The following ANKRD28 variants were observed in gnomAD, a reference collection of about 807,000 sequenced individuals.
The protein encoded by ANKRD28 is ankyrin repeat domain 28.
A neutral mutation model predicts 126.5 loss-of-function variants in ANKRD28; 44 were observed. The observed-to-expected ratio is 0.35, with a 90% CI of 0.27 to 0.45. The LOEUF (loss-of-function observed/expected upper bound fraction) is 0.45. Ranked by LOEUF, ANKRD28 falls within the 20% of genes least tolerant of loss-of-function variation. ANKRD28 has a pLI of 1.00. For synonymous variants in ANKRD28, 442 were observed against 468.5 expected, an observed-to-expected ratio of 0.94 and a Z score of 0.73; for missense variants, 1,110 against 1,316.6, an observed-to-expected ratio of 0.84 and a Z score of 2.43.
chr3:15,694,325 C>G (rs1318531484), intron 17 of ANKRD28, among the ~76,000 whole-genome samples: 2 of 152,100 alleles, frequency 1.3e-5, no homozygotes, highest in Non-Finnish European at 2.9e-5. Context: ...GTTAGCACCC[C>G]AAGATCACAA....
chr3:15,751,710 G>A (rs2125375022), intron 4 of ANKRD28, 40 bp downstream of exon 4: 1 of 1,341,268 alleles, frequency 7.5e-7, no homozygotes, highest in Non-Finnish European at 1.0e-6. Flanking sequence ...CCTATTTAAT[G>A]TTTTCATATA....
In ANKRD28 at chr3:15,737,237, A is replaced by C. The variant is rs1328609348; in HGVS notation, c.352-4T>G. On this transcript the variant is annotated splice_region_variant and splice_polypyrimidine_tract_variant and intron_variant, in intron 4 of 27. Transcript: ENST00000683139. ...TCAAAAGTACCTGAACTGCTTCCTA[A>C]AACATATGAAAAGTTATAAAAGACA... 1 of 1,610,056 alleles carries C rather than the reference A, an allele frequency of 6.2e-7. No individual in the cohort carries two copies. Among genetic ancestry groups the C allele is most frequent in the Admixed American group, 1.7e-5 (1 of 59,242 alleles).
intron 1 of ANKRD28, among the ~76,000 whole-genome samples, chr3:15,827,004 A>G (rs1234853311): frequency 6.6e-6 from 1 of 152,182 alleles, no homozygotes; most frequent in Non-Finnish European, 1.5e-5. Context: ...ATGGCCAAGT[A>G]TATATTTTTT....
At chr3:15,721,916 T>A (rs763997221) in intron 7 of ANKRD28, among the ~76,000 whole-genome samples, 1 of 152,102 alleles carries the variant, frequency 6.6e-6, no homozygotes, top group Non-Finnish European at 1.5e-5. Context: ...TGGCTAATAT[T>A]TGTATTTTAG....
chr3:15,828,307 A>G (rs2061113697), intron 1 of ANKRD28, among the ~76,000 whole-genome samples: 1 of 152,148 alleles, frequency 6.6e-6, no homozygotes, highest in Non-Finnish European at 1.5e-5. Context: ...GTCTCAGAGA[A>G]ACATGAAGTT....
In ANKRD28 at chr3:15,685,452, G is replaced by C; in HGVS notation, c.2170-7C>G. On this transcript the variant is annotated splice_polypyrimidine_tract_variant and splice_region_variant and intron_variant, in intron 20 of 27. Coordinates refer to ENST00000683139, the MANE Select transcript of ANKRD28 (RefSeq NM_001349278.2). Reference sequence around the variant, plus strand: ...CTTCATGGCCTGTAACTGCCTGAAAGAAAATAATTTAAAGGTAGTCAAACA... The same window carrying C: ...CTTCATGGCCTGTAACTGCCTGAAACAAAATAATTTAAAGGTAGTCAAACA... The C allele has an allele frequency of 1.9e-6, 3 of 1,613,362 alleles. No individual in the cohort carries two copies. The highest frequency in any genetic ancestry group is 2.5e-6 in the Non-Finnish European group (3 of 1,179,358).
chr3:15,676,677 G>T, intron 26 of ANKRD28: 1 of 236,622 alleles, frequency 4.2e-6, no homozygotes, highest in Non-Finnish European at 8.3e-6. Context: ...TATTACAGTT[G>T]ATTTCCACAG....
chr3:15,769,507 G>A (rs1174017493), intron 2 of ANKRD28, among the ~76,000 whole-genome samples: 1 of 152,060 alleles, frequency 6.6e-6, no homozygotes, highest in East Asian at 1.9e-4. Flanking sequence ...AATCACTGTA[G>A]GAGGCAAAAT....
rs956083973 is a variant in ANKRD28 at position 15,817,120 on chromosome 3, C to T, written c.28-21814G>A. The stretch of plus-strand genomic sequence containing the variant: ...GCCCAGTCTTCCACAGAGTGAGCAT[C>T]GTTTAAGGTAGGGGCTGTGTCTCAC... On this transcript the variant is annotated intron_variant, in intron 1 of 27. Coordinates refer to the ANKRD28 transcript ENST00000399451. The surrounding 1 kb of genome is among the most constrained non-coding windows in gnomAD (Gnocchi z 4.5). Among the ~76,000 whole-genome samples the T allele has an allele frequency of 7.2e-5, 11 of 152,144 alleles. 1 individual carries two copies. Among genetic ancestry groups the T allele is most frequent in the Admixed American group, 5.2e-4 (8 of 15,268 alleles).
intron 4 of ANKRD28, among the ~76,000 whole-genome samples, chr3:15,744,761 C>T (rs1327661144): frequency 6.6e-6 from 1 of 152,102 alleles, no homozygotes; most frequent in Non-Finnish European, 1.5e-5. Context: ...GGATTGATAT[C>T]TAAGTGGTGG....
chr3:15,670,391 G>C lies in ANKRD28; in HGVS notation c.3131C>G (p.Ala1044Gly). Residue 1044 changes from alanine to glycine, a missense_variant, in exon 28 of 28, where the codon GCT (alanine) becomes GGT (glycine). By Grantham distance (60) the Ala-to-Gly change is moderately conservative. Transcript: ENST00000683139. ...TNTSKTVSFEALPIMRNEPSS... is the reference protein window; with the variant it reads ...TNTSKTVSFEGLPIMRNEPSS... ...AGGTTCATTCCTCATGATGGGCAAA[G>C]CTTCAAAGCTGACTGTTTTTGAGGT... The C allele has an allele frequency of 6.2e-7, 1 of 1,613,944 alleles. No homozygotes were observed. The highest frequency in any genetic ancestry group is 8.5e-7 in the Non-Finnish European group (1 of 1,179,852).
chr3:15,693,953 C>T (rs936968346), intron 17 of ANKRD28, among the ~76,000 whole-genome samples: 2 of 151,948 alleles, frequency 1.3e-5, no homozygotes, highest in Non-Finnish European at 2.9e-5. Flanking sequence ...TGTAGTGTTC[C>T]ACATTAAATT....
chr3:15,799,686 C>T (rs1438873514), upstream of ANKRD28, among the ~76,000 whole-genome samples: 5 of 151,954 alleles, frequency 3.3e-5, no homozygotes, highest in Non-Finnish European at 7.4e-5. Context: ...TCTTAACAAT[C>T]TTAACTTGTT....
At position 15,814,369 on chromosome 3, in the gene ANKRD28, T is replaced by C. The variant is rs966847179; in HGVS notation, c.28-19063A>G. 2 of 936,944 alleles carry C rather than the reference T, an allele frequency of 2.1e-6. No individual in the cohort carries two copies. Among genetic ancestry groups the C allele is most frequent in the African/African-American group, 1.8e-5 (1 of 56,672 alleles). The allele number at this position is 936,944 out of a possible 1,614,324, so 58.0% of individuals were successfully genotyped here. Reference sequence around the variant, plus strand: ...CGCTGATCCTAGAAATTAAGGGCTATGTTATTTATAAATAACTAGTACCTT... The same window carrying C: ...CGCTGATCCTAGAAATTAAGGGCTACGTTATTTATAAATAACTAGTACCTT... On this transcript the variant is annotated intron_variant, in intron 1 of 27. Transcript: ENST00000399451. The surrounding 1 kb of genome is among the most constrained non-coding windows in gnomAD (Gnocchi z 4.7).
chr3:15,801,743 G>A (rs1167993005), upstream of ANKRD28, among the ~76,000 whole-genome samples: 1 of 152,132 alleles, frequency 6.6e-6, no homozygotes, highest in Non-Finnish European at 1.5e-5. The surrounding 1 kb of genome is among the most constrained non-coding windows in gnomAD (Gnocchi z 4.9). Context: ...GTGATTATTA[G>A]AGCCACTGCA....
intron 4 of ANKRD28, among the ~76,000 whole-genome samples, chr3:15,742,195 C>T (rs62240811): frequency 0.036 from 5,410 of 151,836 alleles, 137 homozygotes; most frequent in Non-Finnish European, 0.054. Context: ...TGCCTGGCCG[C>T]CCATCGTCTG....
At chr3:15,813,643 A>C (rs1395365963) in intron 1 of ANKRD28, among the ~76,000 whole-genome samples, 3 of 152,222 alleles carry the variant, frequency 2.0e-5, no homozygotes, top group Non-Finnish European at 4.4e-5. Flanking sequence ...TAAGAAGCCT[A>C]ACAAATACTA....
At chr3:15,850,201 AAAAAT>A (rs1184840499) in intron 1 of ANKRD28, among the ~76,000 whole-genome samples, 1 of 52,368 alleles carries the variant, frequency 1.9e-5, no homozygotes, top group Non-Finnish European at 3.8e-5. Context: ...AAAAAAAAAA[AAAAAT>A]ATATATATAT....
intron 1 of ANKRD28, among the ~76,000 whole-genome samples, chr3:15,850,341 T>C (rs2061626887): frequency 4.0e-5 from 6 of 150,842 alleles, no homozygotes; most frequent in Admixed American, 3.3e-4. Flanking sequence ...GCTAAAAACT[T>C]TTCCTTATAT....
Sources: allele counts gnomAD v4.1 joint callset (sites outside exome capture counted in the v4.1 genomes callset), GRCh38; gene constraint gnomAD v4.1.1; non-coding constraint Gnocchi (gnomAD v3.1); transcripts MANE v1.5; gene names NCBI Gene and HGNC (gene_info 2026-07-23, HGNC 2026-07-21).